ST14: variants seen among roughly 807,000 people sequenced by gnomAD.
ST14 encodes the protein ST14 transmembrane serine protease matriptase, also known as suppressor of tumorigenicity 14 protein.
A neutral mutation model predicts 96.5 loss-of-function variants in ST14; 40 were observed. The observed-to-expected ratio is 0.41, with a 90% CI of 0.32 to 0.54. The LOEUF (loss-of-function observed/expected upper bound fraction) is 0.54, where lower values mean the gene tolerates loss of function less well. Among genes scored for constraint, ST14 ranks in the 20% least tolerant of loss-of-function variants. The probability of loss-of-function intolerance (pLI) is 0.17; values close to 1 mark genes in which losing one functional copy is unlikely to be tolerated. For missense variants in ST14, 1,066 were observed against 1,188.9 expected, an observed-to-expected ratio of 0.90 and a Z score of 1.52; for synonymous variants, 506 against 492.1, an observed-to-expected ratio of 1.03 and a Z score of -0.37.
chr11:130,188,188 G>A lies in ST14; in HGVS notation c.156G>A (p.Pro52=), dbSNP rs778408676. The A allele has an allele frequency of 2.5e-5, 40 of 1,614,074 alleles. No homozygotes were observed. The highest frequency in any genetic ancestry group is 8.0e-5 in the African/African-American group (6 of 74,922). The change falls in exon 2 of 19, where the codon CCG becomes CCA. Residue 52 remains proline (P), a synonymous_variant. Coordinates refer to ENST00000278742, the MANE Select transcript of ST14 (RefSeq NM_021978.4). The surrounding 1 kb of genome is among the most constrained non-coding windows in gnomAD (Gnocchi z 5.4). ...TCAAGAAGGTGGAAAAGCATGGCCC[G>A]GGGCGCTGGGTGGTGCTGGCAGCCG... The part of the protein sequence containing the change: ...NNVKKVEKHG[P]GRWVVLAAVL...
intron 1 of ST14, among the ~76,000 whole-genome samples, chr11:130,170,889 A>G (rs1311820924): frequency 2.0e-5 from 3 of 151,706 alleles, no homozygotes; most frequent in African/African-American, 7.3e-5. Context: ...CACTGTATTT[A>G]TTGATTTAGA....
intron 1 of ST14, among the ~76,000 whole-genome samples, chr11:130,160,460 C>T (rs1952990862): frequency 6.6e-6 from 1 of 152,176 alleles, no homozygotes; most frequent in South Asian, 2.1e-4. Flanking sequence ...CTCAGCCATC[C>T]TTGGCCTCTG....
Position 130,198,336 on chromosome 11 carries a change from C to T in ST14, c.1488C>T (p.Cys496=). The change falls in exon 13 of 19, where the codon TGC becomes TGT. Residue 496 remains cysteine (C), a synonymous_variant. Coordinates refer to ENST00000278742, the MANE Select transcript of ST14 (RefSeq NM_021978.4). ...GCGACGCCGGCCACCAGTTCACGTG[C>T]AAGAACAAGTTCTGCAAGCCCCTCT... is the stretch of plus-strand genomic sequence containing the variant. ...CSCDAGHQFT[C]KNKFCKPLFW... The T allele has an allele frequency of 6.2e-7, 1 of 1,614,198 alleles. No individual in the cohort carries two copies. Among genetic ancestry groups the T allele is most frequent in the Non-Finnish European group, 8.5e-7 (1 of 1,180,046 alleles).
At chr11:130,186,781 G>T (rs769221501) in intron 1 of ST14, among the ~76,000 whole-genome samples, 1 of 152,192 alleles carries the variant, frequency 6.6e-6, no homozygotes, top group Non-Finnish European at 1.5e-5. Flanking sequence ...ATAATAGAAA[G>T]TCAGCCGATG....
At position 130,188,219 on chromosome 11, in the gene ST14, A is replaced by C; in HGVS notation, c.187A>C (p.Ile63Leu). 6.2e-7 allele frequency: 1 copy of C among 1,614,098 alleles called. No individual in the cohort carries two copies. The highest frequency in any genetic ancestry group is 8.5e-7 in the Non-Finnish European group (1 of 1,180,012). The change falls in exon 2 of 19, where the codon ATC (isoleucine) becomes CTC (leucine). Residue 63 changes from isoleucine to leucine, a missense_variant. Transcript: ENST00000278742. This position sits in a 1 kb window ranked among gnomAD's most constrained non-coding sequence, Gnocchi z 5.4. ...CTGGGTGGTGCTGGCAGCCGTGCTG[A>C]TCGGCCTCCTCTTGGTCTTGCTGGG... ...GRWVVLAAVL[I>L]GLLLVLLGIG...
At chr11:130,162,030 G>A (rs1953002353) in intron 1 of ST14, among the ~76,000 whole-genome samples, 1 of 152,172 alleles carries the variant, frequency 6.6e-6, no homozygotes, top group Non-Finnish European at 1.5e-5. Flanking sequence ...TTGCAGCTAG[G>A]ATGTCCATCC....
At chr11:130,160,576 AAG>A (rs1395762031) in intron 1 of ST14, among the ~76,000 whole-genome samples, 2 of 152,090 alleles carry the variant, frequency 1.3e-5, no homozygotes, top group Non-Finnish European at 2.9e-5. Flanking sequence ...GGCTGGAGCT[AAG>A]AACTCCAGAG....
intron 7 of ST14, 34 bp from the exon 8 acceptor site, chr11:130,194,115 T>C (rs1402866311): frequency 1.9e-6 from 3 of 1,614,014 alleles, no homozygotes; most frequent in African/African-American, 2.7e-5. Flanking sequence ...GGGTTCTGTC[T>C]GCTCTTCCTA....
chr11:130,196,439 A>AT lies in ST14; in HGVS notation c.1214_1215insT (p.Gly406ArgfsTer38). 1 of 1,608,732 alleles carries AT rather than the reference A, an allele frequency of 6.2e-7. No individual in the cohort carries two copies. The highest frequency in any genetic ancestry group is 1.1e-5 in the South Asian group (1 of 90,128). On this transcript the variant is annotated frameshift_variant, in exon 10 of 19. Coordinates refer to ENST00000278742, the MANE Select transcript of ST14 (RefSeq NM_021978.4). LOFTEE classifies it high-confidence loss of function. ...TGCCCCAAGGACTACGTGGAGATCA[A>AT]CGGGGAGAAGTGAGTCCCCGGGGGT...
Position 130,198,406 on chromosome 11 carries a change from G to C in ST14, c.1558G>C (p.Glu520Gln). The change falls in exon 13 of 19, where the codon GAG becomes CAG. Residue 520 changes from glutamate to glutamine, a missense_variant. By Grantham distance (29) the Glu-to-Gln change is conservative. Coordinates refer to ENST00000278742, the MANE Select transcript of ST14 (RefSeq NM_021978.4). ...SVNDCGDNSD[E>Q]QGCSCPAQTF... ...GAACGACTGCGGAGACAACAGCGACGAGCAGGGGTGCAGTGAGTGCTGGGG... is the reference window on the plus strand; with the variant it reads ...GAACGACTGCGGAGACAACAGCGACCAGCAGGGGTGCAGTGAGTGCTGGGG... The C allele has an allele frequency of 6.2e-7, 1 of 1,614,170 alleles. No homozygotes were observed. Among genetic ancestry groups the C allele is most frequent in the Non-Finnish European group, 8.5e-7 (1 of 1,180,022 alleles).
chr11:130,198,527 CA>C lies in ST14; in HGVS notation c.1591del (p.Arg531GlyfsTer32). The C allele has an allele frequency of 6.2e-7, 1 of 1,614,096 alleles. No individual in the cohort carries two copies. The highest frequency in any genetic ancestry group is 8.5e-7 in the Non-Finnish European group (1 of 1,180,018). On this transcript the variant is annotated frameshift_variant, in exon 14 of 19. Transcript: ENST00000278742. LOFTEE classifies it high-confidence loss of function. ...QGCSCPAQTFRCSNGKCLSKS... is the reference protein window; with the variant it reads ...QGCSCPAQTFXCSNGKCLSKS... ...CTCCAGGTTGTCCGGCCCAGACCTT[CA>C]GGTGTTCCAATGGGAAGTGCCTCTC...
At chr11:130,171,417 G>A (rs1229152431) in intron 1 of ST14, among the ~76,000 whole-genome samples, 1 of 152,172 alleles carries the variant, frequency 6.6e-6, no homozygotes, top group Non-Finnish European at 1.5e-5. Flanking sequence ...CCCACATCTT[G>A]GCTTCTGTGA....
intron 1 of ST14, among the ~76,000 whole-genome samples, chr11:130,169,075 T>C (rs182581649): frequency 2.0e-3 from 308 of 151,170 alleles, no homozygotes; most frequent in African/African-American, 7.2e-3. Context: ...ATATTATTTA[T>C]TTATATAATA....
chr11:130,190,640 AC>A lies in ST14; in HGVS notation c.823del (p.Leu275TrpfsTer2). ...DLASCDERGS[D>X]LVTVYNTLSP... is the part of the protein sequence containing the mutation. ...GCGTCCTGCGACGAGCGCGGCAGCG[AC>A]CTGGTGACGGTGTACAACACCCTGA... is the stretch of plus-strand genomic sequence containing the variant. On this transcript the variant is annotated frameshift_variant, in exon 7 of 19. Transcript: ENST00000278742. LOFTEE classifies it high-confidence loss of function. The A allele has an allele frequency of 6.2e-7, 1 of 1,609,002 alleles. No individual in the cohort carries two copies. Among genetic ancestry groups the A allele is most frequent in the Non-Finnish European group, 8.5e-7 (1 of 1,178,138 alleles).
intron 16 of ST14, among the ~76,000 whole-genome samples, chr11:130,206,230 C>T (rs935142372): frequency 2.3e-4 from 35 of 152,264 alleles, no homozygotes; most frequent in Admixed American, 1.2e-3. Context: ...GGAAGCAGTG[C>T]GCGGGCGGTG....
At chr11:130,198,837 TGGGTGAGGGGGTAATGTGCA>T in intron 14 of ST14, 90 bp from the exon 15 acceptor site, 10 of 1,603,288 alleles carry the variant, frequency 6.2e-6, no homozygotes, top group Non-Finnish European at 8.5e-6. Flanking sequence ...GGGGCAGGCC[TGGGTGAGGGGGTAATGTGCA>T]GGGGCCATGA....
At chr11:130,163,738 C>T (rs1953017615) in intron 1 of ST14, among the ~76,000 whole-genome samples, 1 of 152,182 alleles carries the variant, frequency 6.6e-6, no homozygotes, top group African/African-American at 2.4e-5. Context: ...GGAGCCTTCC[C>T]TCTGCCTTGG....
rs185253973 is a variant in ST14 at position 130,188,537 on chromosome 11, C to T, written c.249C>T (p.Asp83=). ...CCTTCTGGTCTCACACAGACCGGGACGTGCGTGTCCAGAAGGTCTTCAATG... is the reference window on the plus strand; with the variant it reads ...CCTTCTGGTCTCACACAGACCGGGATGTGCGTGTCCAGAAGGTCTTCAATG... ...GFLVWHLQYR[D]VRVQKVFNGY... Residue 83 remains aspartate, a synonymous_variant, in exon 3 of 19, where the codon GAC becomes GAT. Transcript: ENST00000278742. This position sits in a 1 kb window ranked among gnomAD's most constrained non-coding sequence, Gnocchi z 5.4. 3.5e-5 allele frequency: 56 copies of T among 1,614,032 alleles called. No homozygotes were observed. The highest frequency in any genetic ancestry group is 8.9e-5 in the East Asian group (4 of 44,870).
At chr11:130,189,943 T>C (rs754287240) in intron 5 of ST14, 47 bp downstream of exon 5, 4 of 1,612,970 alleles carry the variant, frequency 2.5e-6, no homozygotes, top group Non-Finnish European at 3.4e-6. Context: ...CAGCCTTCCA[T>C]GGAGTGGGGC....
Sources: allele counts gnomAD v4.1 joint callset (sites outside exome capture counted in the v4.1 genomes callset), GRCh38; gene constraint gnomAD v4.1.1; non-coding constraint Gnocchi (gnomAD v3.1); transcripts MANE v1.5; gene names NCBI Gene and HGNC (gene_info 2026-07-23, HGNC 2026-07-21).